KCNH7: variants seen among roughly 807,000 people sequenced by gnomAD.
KCNH7 encodes the protein potassium voltage-gated channel subfamily H member 7, also known as voltage-gated inwardly rectifying potassium channel KCNH7.
KCNH7 carries 49 observed loss-of-function variants against 120.8 expected under a neutral mutation model. That is an observed-to-expected ratio of 0.41 (90% CI 0.32 to 0.51). KCNH7 has a LOEUF of 0.51. Ranked by LOEUF, KCNH7 falls within the 20% of genes least tolerant of loss-of-function variation. The probability of loss-of-function intolerance (pLI) is 0.38; values close to 1 mark genes in which losing one functional copy is unlikely to be tolerated. For synonymous variants in KCNH7, 547 were observed against 516.1 expected (o/e 1.06, Z -0.81); for missense variants, 1,097 against 1,446.6 (o/e 0.76, Z 3.92).
chr2:162,448,454 G>C (rs528636976), intron 6 of KCNH7, among the ~76,000 whole-genome samples: 2 of 152,112 alleles, frequency 1.3e-5, no homozygotes, highest in South Asian at 4.1e-4. Context: ...GGGCACTCCA[G>C]CAAAACAAGA....
chr2:162,757,936 T>C (rs1688843830), intron 2 of KCNH7, among the ~76,000 whole-genome samples: 1 of 152,174 alleles, frequency 6.6e-6, no homozygotes, highest in African/African-American at 2.4e-5. Flanking sequence ...TTATTCTCAA[T>C]AAGCTCACTG....
chr2:162,416,866 G>A (rs1474579487), intron 9 of KCNH7, among the ~76,000 whole-genome samples: 1 of 152,106 alleles, frequency 6.6e-6, no homozygotes, highest in African/African-American at 2.4e-5. Flanking sequence ...GCAAAGTAAA[G>A]GAGATTTCTT....
Position 162,474,899 on chromosome 2 carries a change from C to A in KCNH7, c.1129-28456G>T, listed in dbSNP as rs114452012. Among the ~76,000 whole-genome samples the A allele has an allele frequency of 5.5e-3, 838 of 152,314 alleles. 3 individuals are homozygous for A. Among genetic ancestry groups the A allele is most frequent in the African/African-American group, 0.019 (778 of 41,582 alleles). Reference sequence around the variant, plus strand: ...CTTAGGCTGTTTCTCTGGAGGAAACCAGCTGCCATGATTGCTCTGGAGGAA... The same window carrying A: ...CTTAGGCTGTTTCTCTGGAGGAAACAAGCTGCCATGATTGCTCTGGAGGAA... On this transcript the variant is annotated intron_variant, in intron 6 of 15. Coordinates refer to ENST00000332142, the MANE Select transcript of KCNH7 (RefSeq NM_033272.4).
chr2:162,712,659 ATATC>A (rs1193984596), intron 2 of KCNH7, among the ~76,000 whole-genome samples: 2 of 152,200 alleles, frequency 1.3e-5, no homozygotes, highest in Non-Finnish European at 2.9e-5. Flanking sequence ...ACTTTCTAAA[ATATC>A]TATAGTGTCC....
rs193220883 is a variant in KCNH7, at chr2:162,586,559, G to C, written c.308-49479C>G. Among the ~76,000 whole-genome samples the C allele has an allele frequency of 1.6e-3, 242 of 152,068 alleles. 3 individuals carry two copies. Among genetic ancestry groups the C allele is most frequent in the African/African-American group, 5.4e-3 (225 of 41,498 alleles). On this transcript the variant is annotated intron_variant, in intron 2 of 15. Coordinates refer to ENST00000332142, the MANE Select transcript of KCNH7 (RefSeq NM_033272.4). ...ATCAGAGCCCAAATTGCAGAATCAT[G>C]AGCAAATAAATGGTTTTTGTTTTAA... is the stretch of plus-strand genomic sequence containing the variant.
intron 10 of KCNH7, among the ~76,000 whole-genome samples, 195 bp downstream of exon 10, chr2:162,399,994 T>C (rs1687025784): frequency 6.6e-6 from 1 of 151,954 alleles, no homozygotes; most frequent in Admixed American, 6.6e-5. Context: ...GGAGAAAAAG[T>C]GAGACAGTTA....
intron 2 of KCNH7, among the ~76,000 whole-genome samples, chr2:162,828,525 GAATT>G (rs757451773): frequency 5.9e-5 from 9 of 151,664 alleles, no homozygotes; most frequent in Non-Finnish European, 1.0e-4. Flanking sequence ...AAATGCAAAA[GAATT>G]AATGTCCTAT....
chr2:162,642,103 C>T (rs773042779), intron 2 of KCNH7, among the ~76,000 whole-genome samples: 20 of 152,066 alleles, frequency 1.3e-4, no homozygotes, highest in Non-Finnish European at 2.6e-4. Flanking sequence ...GTATAGAGTA[C>T]GAGAGTTTTT....
intron 15 of KCNH7, among the ~76,000 whole-genome samples, chr2:162,372,390 C>A (rs187800066): frequency 2.0e-5 from 3 of 151,664 alleles, no homozygotes; most frequent in South Asian, 2.1e-4. Context: ...GAATTAAATT[C>A]GAAATTTAAG....
At chr2:162,715,184 CA>C (rs1687069414) in intron 2 of KCNH7, among the ~76,000 whole-genome samples, 1 of 152,088 alleles carries the variant, frequency 6.6e-6, no homozygotes, top group African/African-American at 2.4e-5. Context: ...GCAAGCTGTA[CA>C]GGAAGCATCT....
At chr2:162,548,995 T>C (rs1303090709) in intron 2 of KCNH7, among the ~76,000 whole-genome samples, 1 of 152,184 alleles carries the variant, frequency 6.6e-6, no homozygotes, top group East Asian at 1.9e-4. Context: ...GGGGAAAATG[T>C]GCTTGTGGTA....
intron 11 of KCNH7, among the ~76,000 whole-genome samples, chr2:162,395,494 A>G (rs1686884747): frequency 6.6e-6 from 1 of 151,678 alleles, no homozygotes; most frequent in South Asian, 2.1e-4. Context: ...TCTACCTTGT[A>G]AATAAAAATG....
At chr2:162,611,355 A>T (rs1682956779) in intron 2 of KCNH7, among the ~76,000 whole-genome samples, 1 of 152,326 alleles carries the variant, frequency 6.6e-6, no homozygotes, top group Admixed American at 6.5e-5. Flanking sequence ...TCCGTGACAT[A>T]AGTAGCCACA....
At chr2:162,412,538 A>G (rs573413937) in intron 9 of KCNH7, among the ~76,000 whole-genome samples, 1 of 152,314 alleles carries the variant, frequency 6.6e-6, no homozygotes, top group East Asian at 1.9e-4. Context: ...ATAACAGAGA[A>G]GAAAAATGGC....
Position 162,435,545 on chromosome 2 carries a change from C to A in KCNH7, c.1607G>T (p.Arg536Leu). The change falls in exon 8 of 16, where the codon CGC becomes CTC. Residue 536 changes from arginine (R) to leucine (L), a missense_variant. Coordinates refer to ENST00000332142, the MANE Select transcript of KCNH7 (RefSeq NM_033272.4). ...ATATCGATCCAGTTTCCTGGCCACG[C>A]GCACAAGACGGAGGAGTCGGGCAGT... is the stretch of plus-strand genomic sequence containing the variant. ...LKTARLLRLV[R>L]VARKLDRYSE... is the part of the protein sequence containing the mutation. 6.2e-7 allele frequency: 1 copy of A among 1,613,082 alleles called. No homozygotes were observed. The highest frequency in any genetic ancestry group is 8.5e-7 in the Non-Finnish European group (1 of 1,179,456).
chr2:162,423,438 T>G lies in KCNH7; in HGVS notation c.2052A>C (p.Lys684Asn), dbSNP rs1573939792. 1 of 1,614,130 alleles carries G rather than the reference T, an allele frequency of 6.2e-7. No individual in the cohort carries two copies. Among genetic ancestry groups the G allele is most frequent in the East Asian group, 2.2e-5 (1 of 44,880 alleles). Reference protein sequence around the residue: ...ARYHMQMLRVKEFIRFHQIPN... With the variant: ...ARYHMQMLRVNEFIRFHQIPN... ...GGATTTGGTGAAAGCGAATGAACTC[T>G]TTTACTCGCAGCATCTGCATGTGGT... Residue 684 changes from lysine to asparagine, a missense_variant, in exon 9 of 16, where the codon AAA becomes AAC. By Grantham distance (94) the Lys-to-Asn change is moderately conservative. This residue lies in a region of KCNH7 where 24 missense variants were observed against 105.8 expected (regional missense o/e 0.23). Coordinates refer to ENST00000332142, the MANE Select transcript of KCNH7 (RefSeq NM_033272.4).
chr2:162,797,633 G>A (rs551448413), intron 2 of KCNH7: 22 of 152,172 alleles, frequency 1.4e-4, no homozygotes, highest in African/African-American at 4.8e-4. Context: ...GCAAACCCTT[G>A]ATCTGTGACA....
At chr2:162,693,838 A>G (rs1263971248) in intron 2 of KCNH7, among the ~76,000 whole-genome samples, 1 of 152,214 alleles carries the variant, frequency 6.6e-6, no homozygotes, top group Non-Finnish European at 1.5e-5. Context: ...CCTCATGTTA[A>G]CAAATATAGA....
At chr2:162,418,044 T>G (rs528532908) in intron 9 of KCNH7, among the ~76,000 whole-genome samples, 1 of 152,326 alleles carries the variant, frequency 6.6e-6, no homozygotes, top group African/African-American at 2.4e-5. Flanking sequence ...AGTAGTAGAC[T>G]TCTTGCCAGT....
Sources: gnomAD v4.1 joint callset for allele counts (sites outside exome capture counted in the v4.1 genomes callset) on GRCh38, gnomAD v4.1.1 for gene constraint, gnomAD v4.1.1 regional missense constraint, MANE v1.5 for transcripts, NCBI Gene and HGNC (gene_info 2026-07-23, HGNC 2026-07-21) for gene names.